WNK2: variants seen among roughly 807,000 people sequenced by gnomAD.
WNK2 encodes the protein serine/threonine-protein kinase WNK2.
Under a neutral mutation model 192.1 loss-of-function variants are expected in WNK2, and 67 were observed. The ratio of observed to expected loss-of-function variants is 0.35; its 90% CI spans 0.29 to 0.43. The LOEUF (loss-of-function observed/expected upper bound fraction) is 0.43. Among genes scored for constraint, WNK2 ranks in the 20% least tolerant of loss-of-function variants. The probability of loss-of-function intolerance (pLI) is 1.00; values close to 1 mark genes in which losing one functional copy is unlikely to be tolerated. For synonymous variants in WNK2, 1,439 were observed against 1,393.9 expected, an observed-to-expected ratio of 1.03 and a Z score of -0.72; for missense variants, 2,698 against 3,089.7, an observed-to-expected ratio of 0.87 and a Z score of 3.01.
intron 2 of WNK2, among the ~76,000 whole-genome samples, chr9:93,219,029 C>T (rs896956070): frequency 2.0e-5 from 3 of 152,160 alleles, no homozygotes; most frequent in African/African-American, 7.2e-5. Context: ...GTGGCTGAGA[C>T]CGGGGCCAGG....
rs551004147 is a variant in WNK2 at position 93,292,939 on chromosome 9, C to G, written c.5474C>G (p.Ser1825Cys). The G allele has an allele frequency of 6.5e-7, 1 of 1,531,670 alleles. No homozygotes were observed. The highest frequency in any genetic ancestry group is 1.4e-5 in the African/African-American group (1 of 72,454). The allele number at this position is 1,531,670 out of a possible 1,614,324, so 94.9% of individuals were successfully genotyped here. ...AGACCCCCGGTGCAGAAGCAGGCGT[C>G]CCTGCCCGTGAGTGGCAGCGTGGCT... Reference protein sequence around the residue: ...RARPPVQKQASLPVSGSVAGD... With the variant: ...RARPPVQKQACLPVSGSVAGD... The change falls in exon 23 of 30, where the codon TCC becomes TGC. Residue 1825 changes from serine (S) to cysteine (C), a missense_variant. Transcript: ENST00000427277.
chr9:93,216,805 G>T (rs1190005274), intron 2 of WNK2, among the ~76,000 whole-genome samples: 3 of 50,792 alleles, frequency 5.9e-5, no homozygotes, highest in African/African-American at 2.9e-4. Context: ...GTGAGACTCG[G>T]TCTCAAAACA....
chr9:93,300,359 T>G, intron 26 of WNK2: 1 of 491,654 alleles, frequency 2.0e-6, no homozygotes, highest in Non-Finnish European at 3.6e-6. Context: ...ACACAGCGTG[T>G]GTGCATGCTC....
Position 93,247,458 on chromosome 9 carries a change from A to G in WNK2, c.1543-85A>G, listed in dbSNP as rs1841922368. 6.8e-7 allele frequency: 1 copy of G among 1,460,816 alleles called. No homozygotes were observed. The highest frequency in any genetic ancestry group is 9.3e-7 in the Non-Finnish European group (1 of 1,069,876). 90.5% of individuals were successfully genotyped at this position (1,460,816 alleles called of 1,614,324 possible). On this transcript the variant is annotated intron_variant, in intron 7 of 29. Coordinates refer to ENST00000427277, the MANE Select transcript of WNK2 (RefSeq NM_006648.4). The surrounding 1 kb of genome is among the most constrained non-coding windows in gnomAD (Gnocchi z 5.2). Reference sequence around the variant, plus strand: ...CGAGCGTGTCCTGCGTGGATGAGCCAGTGATGGGAAAGCACTTTAGGTAAG... The same window carrying G: ...CGAGCGTGTCCTGCGTGGATGAGCCGGTGATGGGAAAGCACTTTAGGTAAG...
At chr9:93,215,014 C>T (rs993485036) in intron 2 of WNK2, among the ~76,000 whole-genome samples, 24 of 151,704 alleles carry the variant, frequency 1.6e-4, no homozygotes, top group African/African-American at 5.1e-4. Flanking sequence ...TCCTGAGTAG[C>T]TGGAACTGCA....
At chr9:93,235,619 C>T (rs935651914) in intron 5 of WNK2, among the ~76,000 whole-genome samples, 23 of 152,224 alleles carry the variant, frequency 1.5e-4, no homozygotes, top group Non-Finnish European at 2.5e-4. Flanking sequence ...AATGGAATGG[C>T]CAGGCCAAGG....
At position 93,305,476 on chromosome 9, in the gene WNK2, C is replaced by G. The variant is rs550188443; in HGVS notation, c.6215-1301C>G. On this transcript the variant is annotated intron_variant, in intron 26 of 29. Transcript: ENST00000427277. ...TTCGGAGCTGCTCACCCAGAGCCCA[C>G]TGGTCTGGATCCCTCCCGCTGGGCT... Among the ~76,000 whole-genome samples the G allele has an allele frequency of 1.8e-4, 28 of 152,376 alleles. No homozygotes were observed. In the East Asian group the frequency reaches 4.6e-3, roughly 25 times the overall value.
chr9:93,309,039 G>T (rs1853157950), intron 28 of WNK2: 21 of 996,580 alleles, frequency 2.1e-5, no homozygotes, highest in Non-Finnish European at 2.4e-5. Flanking sequence ...ATGTGGGGCG[G>T]AAGTGAGGAC....
intron 5 of WNK2, among the ~76,000 whole-genome samples, chr9:93,236,302 G>A (rs955179728): frequency 6.6e-6 from 1 of 152,260 alleles, no homozygotes; most frequent in Non-Finnish European, 1.5e-5. Flanking sequence ...CCCTGGGGGT[G>A]TACACTACTG....
At chr9:93,256,229 C>T (rs1564097929) in intron 9 of WNK2, 70 bp from the exon 10 acceptor site, 1 of 1,414,994 alleles carries the variant, frequency 7.1e-7, no homozygotes. Flanking sequence ...TGAGGCTACC[C>T]TGCCCCTGCC....
At position 93,320,377 on chromosome 9, in the gene WNK2, T is replaced by G; in HGVS notation, c.6639T>G (p.Ser2213Arg). ...TLSVPTPDPE[S>R]EKPD is the part of the protein sequence containing the mutation. ...GGTTTTGTTTTCCAGATCCTGAGAGTGAGAAGCCTGACTGACCCCGCCTAG... is the reference window on the plus strand; with the variant it reads ...GGTTTTGTTTTCCAGATCCTGAGAGGGAGAAGCCTGACTGACCCCGCCTAG... The change falls in exon 30 of 30, where the codon AGT (serine) becomes AGG (arginine). Residue 2213 changes from serine to arginine, a missense_variant. Transcript: ENST00000427277. 1 of 1,367,448 alleles carries G rather than the reference T, an allele frequency of 7.3e-7. No homozygotes were observed. Among genetic ancestry groups the G allele is most frequent in the Non-Finnish European group, 9.8e-7 (1 of 1,021,788 alleles). The allele number at this position is 1,367,448 out of a possible 1,614,324, so 84.7% of individuals were successfully genotyped here.
chr9:93,309,802 T>A (rs1216420618), intron 28 of WNK2, among the ~76,000 whole-genome samples: 1 of 152,280 alleles, frequency 6.6e-6, no homozygotes, highest in Non-Finnish European at 1.5e-5. Flanking sequence ...GTTCACTGAT[T>A]TCTAGCCTTT....
intron 14 of WNK2, 53 bp from the exon 15 acceptor site, chr9:93,263,513 G>A: frequency 6.3e-7 from 1 of 1,591,626 alleles, no homozygotes. Flanking sequence ...CCCCGCCATT[G>A]CCGACGTGCT....
chr9:93,241,468 C>T (rs1840749316), intron 7 of WNK2, among the ~76,000 whole-genome samples: 1 of 152,212 alleles, frequency 6.6e-6, no homozygotes, highest in Non-Finnish European at 1.5e-5. Context: ...TTACTGAATA[C>T]ATCACGTCTG....
rs142047455 is a variant in WNK2, at chr9:93,297,094, C to G, written c.5709-759C>G. Among the ~76,000 whole-genome samples, 347 of 145,456 alleles carry G rather than the reference C, an allele frequency of 2.4e-3. 3 individuals carry two copies. Among genetic ancestry groups the G allele is most frequent in the African/African-American group, 8.6e-3 (333 of 38,792 alleles). ...CACATCCTCTTCTCGGCTTCCTCCCCTCGGCTTCCTCCCCTTGGCGTCCTC... is the reference window on the plus strand; with the variant it reads ...CACATCCTCTTCTCGGCTTCCTCCCGTCGGCTTCCTCCCCTTGGCGTCCTC... On this transcript the variant is annotated intron_variant, in intron 23 of 29. Coordinates refer to ENST00000427277, the MANE Select transcript of WNK2 (RefSeq NM_006648.4).
At chr9:93,320,176 A>C (rs1056637095) in intron 29 of WNK2, among the ~76,000 whole-genome samples, 191 bp from the exon 30 acceptor site, 1 of 152,190 alleles carries the variant, frequency 6.6e-6, no homozygotes, top group African/African-American at 2.4e-5. Flanking sequence ...TCACACAAAG[A>C]AGGGTGGTCC....
At chr9:93,256,009 T>C (rs1030991323) in intron 9 of WNK2, among the ~76,000 whole-genome samples, 1 of 152,162 alleles carries the variant, frequency 6.6e-6, no homozygotes, top group Admixed American at 6.5e-5. Flanking sequence ...TCGGGAGCCT[T>C]TCTGTATGGT....
At chr9:93,268,596 C>G in intron 18 of WNK2, 31 bp from the exon 19 acceptor site, 1 of 1,593,914 alleles carries the variant, frequency 6.3e-7, no homozygotes, top group Non-Finnish European at 8.5e-7. Context: ...CGCTCACTCA[C>G]TCAGCGTGCT....
At chr9:93,191,402 C>T (rs12237851) in intron 2 of WNK2, among the ~76,000 whole-genome samples, 3 of 152,074 alleles carry the variant, frequency 2.0e-5, no homozygotes, top group Admixed American at 2.0e-4. Context: ...GGTTCTAGAC[C>T]TGGGGTACCA....
Sources: allele counts gnomAD v4.1 joint callset (sites outside exome capture counted in the v4.1 genomes callset), GRCh38; gene constraint gnomAD v4.1.1; non-coding constraint Gnocchi (gnomAD v3.1); transcripts MANE v1.5; gene names NCBI Gene and HGNC (gene_info 2026-07-23, HGNC 2026-07-21).